The following DSCAM variants were observed in gnomAD, a reference collection of about 807,000 sequenced individuals.
DSCAM encodes cell adhesion molecule DSCAM.
Under a neutral mutation model 217.7 loss-of-function variants are expected in DSCAM, and 47 were observed. The ratio of observed to expected loss-of-function variants is 0.22; its 90% CI spans 0.17 to 0.28. The LOEUF (loss-of-function observed/expected upper bound fraction) is 0.28. Ranked by LOEUF, DSCAM falls within the 10% of genes least tolerant of loss-of-function variation. The pLI, the probability that DSCAM is intolerant of heterozygous loss-of-function variation, is 1.00. For synonymous variants in DSCAM, 1,056 were observed against 1,015.3 expected, an observed-to-expected ratio of 1.04 and a Z score of -0.76; for missense variants, 2,080 against 2,618.3, an observed-to-expected ratio of 0.79 and a Z score of 4.49.
intron 1 of DSCAM, among the ~76,000 whole-genome samples, chr21:40,749,588 G>T (rs572116367): frequency 6.6e-6 from 1 of 152,278 alleles, no homozygotes; most frequent in East Asian, 1.9e-4. Context: ...TGCTGGTGAG[G>T]ATGTGGAGAA....
chr21:40,573,644 A>T (rs1024461402), intron 3 of DSCAM, among the ~76,000 whole-genome samples: 1 of 152,124 alleles, frequency 6.6e-6, no homozygotes, highest in African/African-American at 2.4e-5. Context: ...AAATATAAGA[A>T]AGGAAATAAT....
At chr21:40,341,448 T>C (rs1016253938) in intron 6 of DSCAM, among the ~76,000 whole-genome samples, 8 of 152,250 alleles carry the variant, frequency 5.3e-5, no homozygotes, top group Non-Finnish European at 1.0e-4. Flanking sequence ...CTTCTCTTTT[T>C]GTAGGTAAAT....
At chr21:40,367,707 TG>T (rs1299027541) in intron 4 of DSCAM, among the ~76,000 whole-genome samples, 2 of 152,218 alleles carry the variant, frequency 1.3e-5, no homozygotes, top group African/African-American at 4.8e-5. Context: ...TCCCTTCTCC[TG>T]GCATCTATCA....
chr21:40,257,469 AACAC>A (rs141911963), intron 11 of DSCAM, among the ~76,000 whole-genome samples: 82 of 144,766 alleles, frequency 5.7e-4, no homozygotes, highest in African/African-American at 1.6e-3. Flanking sequence ...GTATTTGCTG[AACAC>A]ACACACACAC....
At chr21:40,434,854 A>T (rs1447307558) in intron 3 of DSCAM, among the ~76,000 whole-genome samples, 1 of 152,132 alleles carries the variant, frequency 6.6e-6, no homozygotes, top group African/African-American at 2.4e-5. Context: ...TATCTACAAG[A>T]CCCATTTCAG....
intron 10 of DSCAM, among the ~76,000 whole-genome samples, chr21:40,282,590 CAAAAA>C (rs528248714): frequency 2.1e-4 from 7 of 32,952 alleles, no homozygotes; most frequent in Admixed American, 3.1e-4. Flanking sequence ...GACTCTGTCT[CAAAAA>C]AAAAAAAAAA....
At chr21:40,601,051 A>T (rs961697340) in intron 3 of DSCAM, among the ~76,000 whole-genome samples, 2 of 152,138 alleles carry the variant, frequency 1.3e-5, no homozygotes, top group African/African-American at 4.8e-5. Flanking sequence ...CAGTTTTTCA[A>T]TGTGTAAAAA....
At chr21:40,621,927 GGAAAGGAAGGAAGAAAAAA>G (rs1295330957) in intron 3 of DSCAM, among the ~76,000 whole-genome samples, 4 of 34,924 alleles carry the variant, frequency 1.1e-4, no homozygotes, top group African/African-American at 1.9e-4. Context: ...GGGAGGGGAA[GGAAAGGAAGGAAGAAAAAA>G]GAAAGGAAGG....
intron 15 of DSCAM, among the ~76,000 whole-genome samples, chr21:40,168,085 C>CA (rs1399061287): frequency 1.3e-5 from 2 of 152,082 alleles, no homozygotes; most frequent in Non-Finnish European, 2.9e-5. Flanking sequence ...CAAAAAACAA[C>CA]AAAAAAACCC....
chr21:40,347,383 T>C (rs941625111), intron 6 of DSCAM, among the ~76,000 whole-genome samples: 3 of 152,120 alleles, frequency 2.0e-5, no homozygotes, highest in Non-Finnish European at 2.9e-5. Flanking sequence ...AACTGTTAAG[T>C]GTCAAGTTTC....
At chr21:40,401,282 GA>G (rs1569105214) in intron 3 of DSCAM, among the ~76,000 whole-genome samples, 1 of 152,122 alleles carries the variant, frequency 6.6e-6, no homozygotes, top group African/African-American at 2.4e-5. Context: ...CACTTTATGG[GA>G]ATACATTTCC....
chr21:40,712,040 GTAAGCTCCCCAA>G (rs1383905689), intron 1 of DSCAM, among the ~76,000 whole-genome samples: 3 of 152,144 alleles, frequency 2.0e-5, no homozygotes, highest in African/African-American at 7.2e-5. Flanking sequence ...AACATCCCAT[GTAAGCTCCCCAA>G]TAGAGCATGA....
chr21:40,447,790 T>C (rs1001410366), intron 3 of DSCAM, among the ~76,000 whole-genome samples: 2 of 152,234 alleles, frequency 1.3e-5, no homozygotes, highest in African/African-American at 4.8e-5. Context: ...AGACAGCTTA[T>C]CTGTGGTAGG....
At position 40,029,300 on chromosome 21, in the gene DSCAM, A is replaced by C. The variant is rs116705014; in HGVS notation, c.5686+13071T>G. Among the ~76,000 whole-genome samples, 724 of 152,270 alleles carry C rather than the reference A, an allele frequency of 4.8e-3. 7 individuals carry two copies. The highest frequency in any genetic ancestry group is 0.016 in the African/African-American group (675 of 41,560). The stretch of plus-strand genomic sequence containing the variant: ...TTTCAAGTTTCAGACATGCACCCTA[A>C]CACAGCCTGCCCCACTAGTGGTAGG... On this transcript the variant is annotated intron_variant, in intron 32 of 32. Coordinates refer to ENST00000400454, the MANE Select transcript of DSCAM (RefSeq NM_001389.5).
At chr21:40,566,404 A>C (rs2076764771) in intron 3 of DSCAM, among the ~76,000 whole-genome samples, 1 of 152,188 alleles carries the variant, frequency 6.6e-6, no homozygotes, top group Admixed American at 6.5e-5. Context: ...ACATTGCTGA[A>C]CTTTTGACCT....
intron 11 of DSCAM, among the ~76,000 whole-genome samples, chr21:40,240,933 G>A (rs8128039): frequency 0.5 from 75,578 of 151,968 alleles, 19,641 homozygotes; most frequent in African/African-American, 0.64. Context: ...CTGGCTAACC[G>A]TACGCAGAAG....
chr21:40,715,721 C>A (rs184279893), intron 1 of DSCAM, among the ~76,000 whole-genome samples: 14 of 152,284 alleles, frequency 9.2e-5, no homozygotes, highest in Admixed American at 2.0e-4. Context: ...TTCCAAGAAA[C>A]TGACATTACC....
chr21:40,167,120 T>G, intron 16 of DSCAM, 98 bp downstream of exon 16: 2 of 1,075,552 alleles, frequency 1.9e-6, no homozygotes, highest in Non-Finnish European at 2.7e-6. Flanking sequence ...ATAAAAGTTT[T>G]GTAAAATTCG....
chr21:40,793,227 C>T (rs1028645156), intron 1 of DSCAM, among the ~76,000 whole-genome samples: 5 of 152,168 alleles, frequency 3.3e-5, no homozygotes, highest in Non-Finnish European at 7.3e-5. Flanking sequence ...TTTCATACCA[C>T]GTGCCAAGAA....
Sources: allele counts gnomAD v4.1 joint callset (sites outside exome capture counted in the v4.1 genomes callset), GRCh38; gene constraint gnomAD v4.1.1; transcripts MANE v1.5; gene names NCBI Gene and HGNC (gene_info 2026-07-23, HGNC 2026-07-21).